The following NLGN1 variants were observed in gnomAD, a reference collection of about 807,000 sequenced individuals.
NLGN1 encodes the protein neuroligin-1.
Under a neutral mutation model 65.5 loss-of-function variants are expected in NLGN1, and 12 were observed. The observed-to-expected ratio is 0.18, with a 90% CI of 0.12 to 0.30. The LOEUF (loss-of-function observed/expected upper bound fraction) is 0.30, where lower values mean the gene tolerates loss of function less well. Among genes scored for constraint, NLGN1 ranks in the 10% least tolerant of loss-of-function variants. NLGN1 has a pLI of 1.00. For missense variants in NLGN1, 750 were observed against 1,007.1 expected, an observed-to-expected ratio of 0.74 and a Z score of 3.46; for synonymous variants, 350 against 359.5, an observed-to-expected ratio of 0.97 and a Z score of 0.30.
intron 2 of NLGN1, among the ~76,000 whole-genome samples, chr3:173,574,184 C>A (rs962183446): frequency 4.0e-5 from 6 of 150,850 alleles, no homozygotes; most frequent in Non-Finnish European, 7.4e-5. Flanking sequence ...GTTTAATTAC[C>A]GATTTGTTTT....
chr3:174,089,098 A>G (rs1262824890), intron 4 of NLGN1, among the ~76,000 whole-genome samples: 1 of 152,174 alleles, frequency 6.6e-6, no homozygotes, highest in Non-Finnish European at 1.5e-5. Context: ...AAAAATGAAA[A>G]CAGTGCTATT....
rs74456371 is a variant in NLGN1 at position 174,221,581 on chromosome 3, A to G, written c.647-53734A>G. 5.9e-3 allele frequency among the ~76,000 whole-genome samples: 888 copies of G among 149,420 alleles called. 23 individuals are homozygous for G. Among genetic ancestry groups the G allele is most frequent in the East Asian group, 0.03 (151 of 4,990 alleles). ...TAAAAGCCAGATTCTTAGATAAGTT[A>G]TACTTAAATAAACATACATTAATTT... is the stretch of plus-strand genomic sequence containing the variant. On this transcript the variant is annotated intron_variant, in intron 4 of 6. Transcript: ENST00000457714.
At chr3:173,496,556 A>T (rs1044191210) in intron 2 of NLGN1, among the ~76,000 whole-genome samples, 6 of 151,834 alleles carry the variant, frequency 4.0e-5, no homozygotes, top group Non-Finnish European at 8.8e-5. Context: ...CCTTGGAGAG[A>T]CCACCTATAT....
chr3:173,419,271 G>A (rs1315461383), intron 1 of NLGN1, among the ~76,000 whole-genome samples: 1 of 150,974 alleles, frequency 6.6e-6, no homozygotes, highest in African/African-American at 2.4e-5. Context: ...AGCTTGGAAT[G>A]TGTATGTGTA....
chr3:173,454,752 T>G (rs1722230450), intron 2 of NLGN1, among the ~76,000 whole-genome samples: 1 of 152,230 alleles, frequency 6.6e-6, no homozygotes, highest in South Asian at 2.1e-4. Flanking sequence ...TGTAGCTGTT[T>G]TGATCTTTTA....
chr3:173,524,462 C>T (rs374622878), intron 2 of NLGN1, among the ~76,000 whole-genome samples: 5 of 152,208 alleles, frequency 3.3e-5, no homozygotes, highest in South Asian at 4.1e-4. Context: ...AGGAGTTTTG[C>T]GGACGAATCT....
chr3:173,541,750 T>A (rs11709586), intron 2 of NLGN1, among the ~76,000 whole-genome samples: 55,682 of 151,878 alleles, frequency 0.37, 11,407 homozygotes, highest in East Asian at 0.8. Context: ...AAGTTTTGTC[T>A]TATTTGTTTT....
chr3:173,971,175 TC>T (rs1716151494), intron 4 of NLGN1, among the ~76,000 whole-genome samples: 1 of 152,032 alleles, frequency 6.6e-6, no homozygotes, highest in Non-Finnish European at 1.5e-5. Context: ...AAAGAGGGAA[TC>T]ATAAAGGGAT....
intron 4 of NLGN1, among the ~76,000 whole-genome samples, chr3:173,894,080 A>C (rs1296928616): frequency 6.6e-6 from 1 of 152,128 alleles, no homozygotes; most frequent in East Asian, 1.9e-4. Flanking sequence ...CCTTGGGGTG[A>C]GCTTGTTGCT....
chr3:174,199,584 C>T (rs1734072717), intron 4 of NLGN1, among the ~76,000 whole-genome samples: 1 of 151,906 alleles, frequency 6.6e-6, no homozygotes, highest in African/African-American at 2.4e-5. Context: ...CTATCTGCAT[C>T]AGTAAATGAA....
intron 4 of NLGN1, among the ~76,000 whole-genome samples, chr3:174,036,589 T>G (rs1056122256): frequency 5.3e-5 from 8 of 151,370 alleles, no homozygotes; most frequent in African/African-American, 1.7e-4. Flanking sequence ...TTGTTGTTTT[T>G]TTTTTTTTTT....
At chr3:173,974,148 G>A (rs1355248165) in intron 4 of NLGN1, among the ~76,000 whole-genome samples, 1 of 151,476 alleles carries the variant, frequency 6.6e-6, no homozygotes, top group African/African-American at 2.4e-5. Context: ...AAGTCTCATT[G>A]TGCATTTAGG....
intron 3 of NLGN1, among the ~76,000 whole-genome samples, chr3:173,640,415 T>C (rs1222176725): frequency 6.6e-6 from 1 of 152,170 alleles, no homozygotes; most frequent in Non-Finnish European, 1.5e-5. Flanking sequence ...ATATCATTTA[T>C]ATTTATCTTT....
chr3:173,514,816 G>C (rs957063726), intron 2 of NLGN1, among the ~76,000 whole-genome samples: 1 of 152,108 alleles, frequency 6.6e-6, no homozygotes, highest in African/African-American at 2.4e-5. Context: ...TTTAATCCAT[G>C]TTGTCACATA....
rs531769274 is a variant in NLGN1, at chr3:174,041,086, C to G, written c.646+233254C>G. Among the ~76,000 whole-genome samples, 3 of 152,164 alleles carry G rather than the reference C, an allele frequency of 2.0e-5. No individual in the cohort carries two copies. The East Asian group carries it at 5.8e-4, about 29-fold the overall frequency. Reference sequence around the variant, plus strand: ...AAAATACAAACATACCTGTGTAAGCCAAGCTGCTATCAAGATACAGACCGT... The same window carrying G: ...AAAATACAAACATACCTGTGTAAGCGAAGCTGCTATCAAGATACAGACCGT... On this transcript the variant is annotated intron_variant, in intron 4 of 6. Transcript: ENST00000457714.
chr3:173,990,458 T>A, intron 4 of NLGN1, among the ~76,000 whole-genome samples: 1 of 152,206 alleles, frequency 6.6e-6, no homozygotes, highest in Non-Finnish European at 1.5e-5. Context: ...TATTTGAAAT[T>A]TTTTGCAAAT....
At chr3:174,083,854 AAG>A (rs1284798605) in intron 4 of NLGN1, among the ~76,000 whole-genome samples, 9 of 152,180 alleles carry the variant, frequency 5.9e-5, no homozygotes, top group African/African-American at 1.2e-4. Context: ...AGTGAAAAAA[AAG>A]AGCTGATAGC....
At chr3:173,744,441 A>G (rs1273988243) in intron 3 of NLGN1, among the ~76,000 whole-genome samples, 2 of 152,216 alleles carry the variant, frequency 1.3e-5, no homozygotes, top group Middle Eastern at 3.4e-3. Flanking sequence ...TAAAGAAACA[A>G]TCAAGAAAAT....
intron 4 of NLGN1, among the ~76,000 whole-genome samples, chr3:174,255,413 G>A (rs1355866654): frequency 2.4e-5 from 3 of 123,504 alleles, no homozygotes; most frequent in South Asian, 2.8e-4. Context: ...TCCAGCCTAG[G>A]CGATAGAGCA....
Sources: gnomAD v4.1 joint callset for allele counts (sites outside exome capture counted in the v4.1 genomes callset) on GRCh38, gnomAD v4.1.1 for gene constraint, MANE v1.5 for transcripts, NCBI Gene and HGNC (gene_info 2026-07-23, HGNC 2026-07-21) for gene names.